The following TMEM259 variants were observed in gnomAD, a reference collection of about 807,000 sequenced individuals.
TMEM259 encodes the protein membralin.
A neutral mutation model predicts 46.7 loss-of-function variants in TMEM259; 26 were observed. The observed-to-expected ratio is 0.56, with a 90% CI of 0.41 to 0.77. The LOEUF is 0.77. Among genes scored for constraint, TMEM259 ranks in the 30% least tolerant of loss-of-function variants. The pLI, the probability that TMEM259 is intolerant of heterozygous loss-of-function variation, is 0.00. For synonymous variants in TMEM259, 494 were observed against 395.1 expected (o/e 1.25, Z -2.97); for missense variants, 930 against 900.5 (o/e 1.03, Z -0.42).
intron 1 of TMEM259, among the ~76,000 whole-genome samples, chr19:1,019,702 A>C (rs2145618317): frequency 6.6e-6 from 1 of 152,302 alleles, no homozygotes; most frequent in Admixed American, 6.5e-5. Context: ...GAACTTGCCC[A>C]CGATCGCAGC....
chr19:1,012,566 C>A lies in TMEM259; in HGVS notation c.615G>T (p.Pro205=), dbSNP rs116349199. Residue 205 remains proline, a synonymous_variant, in exon 4 of 11, where the codon CCG becomes CCT. Coordinates refer to ENST00000356663, the MANE Select transcript of TMEM259 (RefSeq NM_001033026.2). ...AGTACTCCACGATGTACTCGTCCTG[C>A]GGCCACACTGCAGGGCAGAACCAGG... The part of the protein sequence containing the change: ...PFPETPTKVW[P]QDEYIVEYSL... 14 of 1,581,864 alleles carry A rather than the reference C, an allele frequency of 8.9e-6. No individual in the cohort carries two copies. In the East Asian group the frequency reaches 2.8e-4, roughly 31 times the overall value.
At chr19:1,012,901 C>T (rs1250077632) in intron 3 of TMEM259, among the ~76,000 whole-genome samples, 2 of 152,186 alleles carry the variant, frequency 1.3e-5, no homozygotes, top group South Asian at 2.1e-4. Context: ...TCTGGATAGA[C>T]CCTCTGCTGC....
Position 1,009,701 on chromosome 19 carries a change from T to G in TMEM259, c.*649A>C. 6 of 1,000,438 alleles carry G rather than the reference T, an allele frequency of 6.0e-6. No homozygotes were observed. The highest frequency in any genetic ancestry group is 8.0e-6 in the Non-Finnish European group (6 of 745,992). The allele number at this position is 1,000,438 out of a possible 1,614,324, so 62.0% of individuals were successfully genotyped here. ...TATATACAAACACAATTTTGTACAC[T>G]GCAATTAAATAGAATGGAATGAGCG... On this transcript the variant is annotated 3_prime_UTR_variant, in exon 11 of 11. Coordinates refer to ENST00000356663, the MANE Select transcript of TMEM259 (RefSeq NM_001033026.2).
At chr19:1,017,772 C>T (rs557237145) in intron 1 of TMEM259, among the ~76,000 whole-genome samples, 9 of 152,210 alleles carry the variant, frequency 5.9e-5, no homozygotes, top group Non-Finnish European at 8.8e-5. Context: ...ACCCACAGAC[C>T]GACGGACACA....
chr19:1,010,737 G>A lies in TMEM259; in HGVS notation c.1476C>T (p.Ala492=), dbSNP rs745319187. The change falls in exon 11 of 11, where the codon GCC becomes GCT. Residue 492 remains alanine, a synonymous_variant. Transcript: ENST00000356663. ...CGGGGGGCTGGCCGGCAGAGTCAGG[G>A]GCTGTAGCCGGGGCGCCCGAGTTGT... ...MNNNSGAPAT[A]PDSAGQPPAL... The A allele has an allele frequency of 2.2e-5, 34 of 1,532,302 alleles. 1 individual carries two copies. The South Asian group carries it at 3.2e-4, about 14-fold the overall frequency. 94.9% of individuals were successfully genotyped at this position (1,532,302 alleles called of 1,614,324 possible).
In TMEM259 at chr19:1,020,802, G is replaced by T; in HGVS notation, c.195C>A (p.Arg65=). The part of the protein sequence containing the change: ...TYSRLFPPAF[R]RLFEFFVLLK... ...GCAGCACGAAGAACTCGAAGAGACG[G>T]CGGAAGGCGGGCGGGAAGAGCCGCG... Residue 65 remains arginine (R), a synonymous_variant, in exon 1 of 11, where the codon CGC becomes CGA. Coordinates refer to ENST00000356663, the MANE Select transcript of TMEM259 (RefSeq NM_001033026.2). This position sits in a 1 kb window ranked among gnomAD's most constrained non-coding sequence, Gnocchi z 4.0. 2 of 1,360,948 alleles carry T rather than the reference G, an allele frequency of 1.5e-6. No homozygotes were observed. The highest frequency in any genetic ancestry group is 1.9e-6 in the Non-Finnish European group (2 of 1,052,908). The allele number at this position is 1,360,948 out of a possible 1,614,324, so 84.3% of individuals were successfully genotyped here.
rs996874188 is a variant in TMEM259, at chr19:1,009,718, G to A, written c.*632C>T. On this transcript the variant is annotated 3_prime_UTR_variant, in exon 11 of 11. Transcript: ENST00000356663. ...TTGTACACTGCAATTAAATAGAATG[G>A]AATGAGCGCTCCTCCGCATTCCTCC... 1.1e-6 allele frequency: 1 copy of A among 905,992 alleles called. No homozygotes were observed. 56.1% of individuals were successfully genotyped at this position (905,992 alleles called of 1,614,324 possible). A position where few individuals can be genotyped will look rare whatever the true frequency, so the allele number is the denominator to read the frequency against.
In TMEM259 at chr19:1,010,636, G is replaced by T. The variant is rs767581676; in HGVS notation, c.1577C>A (p.Ala526Glu). ...GGCAGCTGCTGCCACTGAGGCTGCC[G>T]CGGCCACCAGGGAGCTGGGCGCCGC... Reference protein sequence around the residue: ...VAAAPSSLVAAAASVAAAAGG... With the variant: ...VAAAPSSLVAEAASVAAAAGG... The change falls in exon 11 of 11, where the codon GCG becomes GAG. Residue 526 changes from alanine to glutamate, a missense_variant. Coordinates refer to ENST00000356663, the MANE Select transcript of TMEM259 (RefSeq NM_001033026.2). 3.2e-6 allele frequency: 5 copies of T among 1,543,826 alleles called. No homozygotes were observed. The African/African-American group carries it at 6.8e-5, about 21-fold the overall frequency.
At position 1,012,587 on chromosome 19, in the gene TMEM259, C is replaced by T. The variant is rs1479932948; in HGVS notation, c.608-14G>A. 1 of 1,563,144 alleles carries T rather than the reference C, an allele frequency of 6.4e-7. No individual in the cohort carries two copies. Among genetic ancestry groups the T allele is most frequent in the Non-Finnish European group, 8.7e-7 (1 of 1,154,516 alleles). On this transcript the variant is annotated splice_polypyrimidine_tract_variant and intron_variant, in intron 3 of 10. Transcript: ENST00000356663. ...CCTGCGGCCACACTGCAGGGCAGAA[C>T]CAGGGACCAGGTCAGCGCCCCCACA...
chr19:1,012,077 T>G lies in TMEM259; in HGVS notation c.830A>C (p.Glu277Ala). ...MSSVKGLAENEENKGFLRNVV... is the reference protein window; with the variant it reads ...MSSVKGLAENAENKGFLRNVV... ...GGGGCATGCCTCACCCTTGTTCTCC[T>G]CGTTCTCGGCCAGGCCCTTCACGCT... Residue 277 changes from glutamate to alanine, a missense_variant, in exon 5 of 11, where the codon GAG (glutamate) becomes GCG (alanine). Physicochemically the swap from Glu to Ala is moderately radical, Grantham distance 107 (BLOSUM62 -1). Coordinates refer to ENST00000356663, the MANE Select transcript of TMEM259 (RefSeq NM_001033026.2). The G allele has an allele frequency of 6.2e-7, 1 of 1,612,230 alleles. No individual in the cohort carries two copies. Among genetic ancestry groups the G allele is most frequent in the South Asian group, 1.1e-5 (1 of 90,996 alleles).
intron 1 of TMEM259, among the ~76,000 whole-genome samples, chr19:1,017,875 CG>C (rs758036109): frequency 1.3e-5 from 2 of 152,170 alleles, no homozygotes; most frequent in Non-Finnish European, 2.9e-5. Context: ...TTTGTCCACC[CG>C]GGGTGCTTCC....
chr19:1,014,586 G>T, intron 1 of TMEM259, 113 bp from the exon 2 acceptor site: 2 of 1,258,328 alleles, frequency 1.6e-6, no homozygotes, highest in Admixed American at 2.5e-5. Context: ...GACGGGGAAA[G>T]GAAGGAAACC....
intron 1 of TMEM259, among the ~76,000 whole-genome samples, chr19:1,016,169 C>T (rs558170248): frequency 6.6e-6 from 1 of 152,192 alleles, no homozygotes; most frequent in Non-Finnish European, 1.5e-5. Flanking sequence ...ATTCAGGCCC[C>T]GCCCACAGAC....
At position 1,010,487 on chromosome 19, in the gene TMEM259, G is replaced by A. The variant is rs924387988; in HGVS notation, c.1726C>T (p.Leu576Phe). The A allele has an allele frequency of 1.3e-6, 2 of 1,545,846 alleles. No individual in the cohort carries two copies. Among genetic ancestry groups the A allele is most frequent in the Non-Finnish European group, 1.7e-6 (2 of 1,145,592 alleles). The change falls in exon 11 of 11, where the codon CTC becomes TTC. Residue 576 changes from leucine (L) to phenylalanine (F), a missense_variant. Physicochemically the swap from Leu to Phe is conservative, Grantham distance 22 (BLOSUM62 0). Coordinates refer to ENST00000356663, the MANE Select transcript of TMEM259 (RefSeq NM_001033026.2). ...ACACTGTCCTGGGGGGCGTGGGGGA[G>A]GCCCCCAGCAGGGCCCAGCGGGCTG... ...PASPLGPAGG[L>F]PHAPQDSVPP...
At chr19:1,011,341 C>T in intron 9 of TMEM259, 26 bp downstream of exon 9, 1 of 1,559,502 alleles carries the variant, frequency 6.4e-7, no homozygotes, top group Non-Finnish European at 8.7e-7. Flanking sequence ...AGCACCCACT[C>T]CACCCTGCCC....
intron 1 of TMEM259, chr19:1,017,139 A>T: frequency 2.5e-6 from 1 of 397,930 alleles, no homozygotes; most frequent in Non-Finnish European, 4.4e-6. Flanking sequence ...ACGCAGGCTC[A>T]TCCCGAGTCC....
chr19:1,012,231 C>A, intron 4 of TMEM259, 43 bp from the exon 5 acceptor site: 1 of 1,567,514 alleles, frequency 6.4e-7, no homozygotes, highest in East Asian at 2.4e-5. Flanking sequence ...CCGCCCAGGC[C>A]ACCCCCTGGG....
Position 1,011,152 on chromosome 19 carries a change from G to C in TMEM259, c.1261C>G (p.Arg421Gly). The part of the protein sequence containing the change: ...YHFAFYAYHY[R>G]FNGQYSSLAL... ...AGGCTGCTATACTGCCCATTGAAGCGGTAGTGATAGGCATAGAAGGCGAAG... is the reference window on the plus strand; with the variant it reads ...AGGCTGCTATACTGCCCATTGAAGCCGTAGTGATAGGCATAGAAGGCGAAG... The change falls in exon 10 of 11, where the codon CGC (arginine) becomes GGC (glycine). Residue 421 changes from arginine (R) to glycine (G), a missense_variant. Physicochemically the swap from Arg to Gly is moderately radical, Grantham distance 125. Coordinates refer to ENST00000356663, the MANE Select transcript of TMEM259 (RefSeq NM_001033026.2). 6.2e-7 allele frequency: 1 copy of C among 1,605,390 alleles called. No individual in the cohort carries two copies. The highest frequency in any genetic ancestry group is 8.5e-7 in the Non-Finnish European group (1 of 1,175,770).
At position 1,011,440 on chromosome 19, in the gene TMEM259, G is replaced by A. The variant is rs756042133; in HGVS notation, c.1144C>T (p.Leu382Phe). Residue 382 changes from leucine (L) to phenylalanine (F), a missense_variant, in exon 9 of 11, where the codon CTC becomes TTC. Leu to Phe is a conservative substitution (Grantham distance 22). Transcript: ENST00000356663. ...NDTTTAFYII[L>F]IVWLADQYDA... The stretch of plus-strand genomic sequence containing the variant: ...TACTGGTCCGCGAGCCACACGATGA[G>A]GATGATGTAGAAGGCGGTGGTGGTG... 1.0e-5 allele frequency: 16 copies of A among 1,568,688 alleles called. No homozygotes were observed. The highest frequency in any genetic ancestry group is 2.4e-5 in the East Asian group (1 of 42,328).
Sources: allele counts gnomAD v4.1 joint callset (sites outside exome capture counted in the v4.1 genomes callset), GRCh38; gene constraint gnomAD v4.1.1; non-coding constraint Gnocchi (gnomAD v3.1); transcripts MANE v1.5; gene names NCBI Gene and HGNC (gene_info 2026-07-23, HGNC 2026-07-21).